RIT2: variants seen among roughly 807,000 people sequenced by gnomAD.
RIT2 encodes the protein GTP-binding protein Rit2.
Under a neutral mutation model 23.7 loss-of-function variants are expected in RIT2, and 24 were observed. The observed-to-expected ratio is 1.01, with a 90% confidence interval of 0.73 to 1.43. The LOEUF is 1.43. Among genes scored for constraint, RIT2 ranks in the 40% most tolerant of loss-of-function variants. The pLI is 0.00. For missense variants in RIT2, 236 were observed against 266.9 expected (o/e 0.88, Z 0.81); for synonymous variants, 107 against 91.1 (o/e 1.17, Z -0.99).
chr18:42,884,480 T>A (rs1187290448), intron 4 of RIT2, among the ~76,000 whole-genome samples: 1 of 152,204 alleles, frequency 6.6e-6, no homozygotes, highest in East Asian at 1.9e-4. Flanking sequence ...CTTTTTCTCC[T>A]CATCATGGCT....
rs537906560 is a variant in RIT2, at chr18:42,992,850, C to T, written c.161-18703G>A. On this transcript the variant is annotated intron_variant, in intron 2 of 4. Coordinates refer to ENST00000326695, the MANE Select transcript of RIT2 (RefSeq NM_002930.4). ...TTGGCAGCAACCCTGAGATGCTTTA[C>T]AGCCCTAGACCCTGAAAGGTCAGAA... 2.2e-3 allele frequency among the ~76,000 whole-genome samples: 337 copies of T among 152,250 alleles called. 1 individual carries two copies. Among genetic ancestry groups the T allele is most frequent in the African/African-American group, 6.7e-3 (278 of 41,550 alleles).
At chr18:42,854,132 C>A (rs1008196006) in intron 4 of RIT2, among the ~76,000 whole-genome samples, 2 of 152,170 alleles carry the variant, frequency 1.3e-5, no homozygotes, top group Admixed American at 1.3e-4. Flanking sequence ...TCCTTGAGGA[C>A]AAGGACCATG....
chr18:42,754,473 CT>C (rs1156305819), intron 4 of RIT2, among the ~76,000 whole-genome samples: 2 of 152,086 alleles, frequency 1.3e-5, no homozygotes, highest in Non-Finnish European at 1.5e-5. Flanking sequence ...TTGCGTATTG[CT>C]TTTTTTCCCC....
At chr18:43,006,402 G>A in intron 2 of RIT2, among the ~76,000 whole-genome samples, 1 of 151,576 alleles carries the variant, frequency 6.6e-6, no homozygotes, top group South Asian at 2.1e-4. Flanking sequence ...AAATCATACA[G>A]GACAGTTCAC....
At chr18:42,913,906 T>C (rs1375317777) in intron 4 of RIT2, among the ~76,000 whole-genome samples, 2 of 152,078 alleles carry the variant, frequency 1.3e-5, no homozygotes, top group East Asian at 3.9e-4. Context: ...ACTAGTTCAA[T>C]TTAGCCATTT....
At chr18:43,078,866 G>A (rs1373609405) in intron 1 of RIT2, among the ~76,000 whole-genome samples, 1 of 152,180 alleles carries the variant, frequency 6.6e-6, no homozygotes, top group East Asian at 1.9e-4. Flanking sequence ...CATCTACAGA[G>A]TCCAGAGGGC....
chr18:42,975,892 A>G (rs1910467810), intron 2 of RIT2, among the ~76,000 whole-genome samples: 1 of 152,156 alleles, frequency 6.6e-6, no homozygotes, highest in East Asian at 1.9e-4. Flanking sequence ...TCTTTCTTCT[A>G]TTTTAATGTA....
At chr18:42,848,201 C>A (rs1033823833) in intron 4 of RIT2, among the ~76,000 whole-genome samples, 2 of 152,118 alleles carry the variant, frequency 1.3e-5, no homozygotes, top group African/African-American at 2.4e-5. Flanking sequence ...AATTCTCGCT[C>A]CAAAACCCTT....
intron 4 of RIT2, among the ~76,000 whole-genome samples, chr18:42,784,305 GAAAGAT>G (rs1296896923): frequency 6.6e-6 from 1 of 151,164 alleles, no homozygotes; most frequent in Non-Finnish European, 1.5e-5. Context: ...AAAATGAAAT[GAAAGAT>G]AAAGGCAAGA....
At chr18:42,929,061 A>ATATATATATATATATATATATATC (rs1568032670) in intron 3 of RIT2, among the ~76,000 whole-genome samples, 1 of 146,624 alleles carries the variant, frequency 6.8e-6, no homozygotes, top group African/African-American at 2.5e-5. Flanking sequence ...ATATATATTT[A>ATATATATATATATATATATATATC]TATGAGACAA....
At chr18:42,926,144 G>A (rs1020873550) in intron 3 of RIT2, among the ~76,000 whole-genome samples, 26 of 151,598 alleles carry the variant, frequency 1.7e-4, no homozygotes, top group African/African-American at 6.0e-4. Context: ...TTTTACTTTT[G>A]AGAAATATTG....
intron 1 of RIT2, among the ~76,000 whole-genome samples, chr18:43,103,340 T>C (rs536396125): frequency 6.6e-6 from 1 of 152,314 alleles, no homozygotes; most frequent in Admixed American, 6.5e-5. Context: ...CCCATAAGTA[T>C]CACGGGAAAA....
intron 4 of RIT2, among the ~76,000 whole-genome samples, chr18:42,822,027 G>A (rs1365543641): frequency 6.6e-6 from 1 of 152,136 alleles, no homozygotes; most frequent in African/African-American, 2.4e-5. Context: ...TCCTAAATTA[G>A]TCTGGATGTG....
intron 4 of RIT2, among the ~76,000 whole-genome samples, chr18:42,805,239 C>T (rs188799372): frequency 6.6e-6 from 1 of 152,148 alleles, no homozygotes; most frequent in Admixed American, 6.5e-5. Context: ...TTTTCTAAAA[C>T]AGAGCAAATT....
intron 4 of RIT2, among the ~76,000 whole-genome samples, chr18:42,878,376 A>G (rs1907799188): frequency 6.6e-6 from 1 of 151,984 alleles, no homozygotes; most frequent in African/African-American, 2.4e-5. Flanking sequence ...AAATATATTT[A>G]CTATTTATTA....
At chr18:42,891,739 G>C (rs1167826016) in intron 4 of RIT2, among the ~76,000 whole-genome samples, 1 of 152,068 alleles carries the variant, frequency 6.6e-6, no homozygotes, top group African/African-American at 2.4e-5. Context: ...AGGGGTAAAG[G>C]GGGAGGGAGA....
chr18:42,789,448 T>C (rs1187524038), intron 4 of RIT2, among the ~76,000 whole-genome samples: 3 of 152,218 alleles, frequency 2.0e-5, no homozygotes, highest in Non-Finnish European at 4.4e-5. Context: ...CAATATTAAT[T>C]CTTCTGGTCC....
intron 4 of RIT2, among the ~76,000 whole-genome samples, chr18:42,812,381 AC>A (rs1490984121): frequency 1.3e-5 from 2 of 152,112 alleles, no homozygotes; most frequent in Non-Finnish European, 2.9e-5. Flanking sequence ...AAGAGTATAG[AC>A]AAAAAATCAA....
At chr18:42,889,230 C>G (rs1040729027) in intron 4 of RIT2, among the ~76,000 whole-genome samples, 17 of 152,016 alleles carry the variant, frequency 1.1e-4, no homozygotes, top group African/African-American at 4.1e-4. Context: ...GGCTATCCAG[C>G]TTTCCTCGGG....
Sources: allele counts gnomAD v4.1 joint callset (sites outside exome capture counted in the v4.1 genomes callset), GRCh38; gene constraint gnomAD v4.1.1; transcripts MANE v1.5; gene names NCBI Gene and HGNC (gene_info 2026-07-23, HGNC 2026-07-21).